The following DPYD variants were observed in gnomAD, a reference collection of about 807,000 sequenced individuals.
DPYD encodes the protein dihydropyrimidine dehydrogenase, also known as dihydropyrimidine dehydrogenase [NADP(+)].
Under a neutral mutation model 116.2 loss-of-function variants are expected in DPYD, and 109 were observed. That is an observed-to-expected ratio of 0.94 (90% CI 0.80 to 1.10). The LOEUF is 1.10. Ranked by LOEUF, DPYD falls within the 50% of genes least tolerant of loss-of-function variation. The pLI is 0.00. For synonymous variants in DPYD, 440 were observed against 432.0 expected (o/e 1.02, Z -0.23); for missense variants, 1,302 against 1,254.5 (o/e 1.04, Z -0.57).
chr1:97,100,818 T>G (rs188453355), intron 20 of DPYD, among the ~76,000 whole-genome samples: 1 of 152,204 alleles, frequency 6.6e-6, no homozygotes, highest in African/African-American at 2.4e-5. Context: ...TTTGAAAATC[T>G]TTTGATGCTG....
At chr1:97,492,845 C>A (rs1679045832) in intron 13 of DPYD, among the ~76,000 whole-genome samples, 1 of 152,056 alleles carries the variant, frequency 6.6e-6, no homozygotes, top group Admixed American at 6.6e-5. Context: ...GTATCTCTAA[C>A]AAAATCCATT....
In DPYD at chr1:97,677,522, G is replaced by A. The variant is rs2256807; in HGVS notation, c.850+1573C>T. Among the ~76,000 whole-genome samples, 299 of 152,218 alleles carry A rather than the reference G, an allele frequency of 2.0e-3. 2 individuals are homozygous for A. The highest frequency in any genetic ancestry group is 6.9e-3 in the African/African-American group (285 of 41,552). On this transcript the variant is annotated intron_variant, in intron 8 of 22. Coordinates refer to ENST00000370192, the MANE Select transcript of DPYD (RefSeq NM_000110.4). ...TTTACATTAAATTATCAATACAAAT[G>A]TAATGTTGAAAAGTAAAGCTAAAGT...
intron 2 of DPYD, among the ~76,000 whole-genome samples, chr1:97,880,735 G>A (rs957079762): frequency 6.6e-6 from 1 of 151,666 alleles, no homozygotes; most frequent in Non-Finnish European, 1.5e-5. Flanking sequence ...TCATTTTTTT[G>A]TTCTTTTGTG....
At chr1:97,776,602 TAGA>T (rs1371471635) in intron 3 of DPYD, among the ~76,000 whole-genome samples, 3 of 152,130 alleles carry the variant, frequency 2.0e-5, no homozygotes, top group East Asian at 3.9e-4. Context: ...TGCCTGCATG[TAGA>T]AGAAGAAGTA....
chr1:97,516,018 T>C (rs1648206583), intron 12 of DPYD, 77 bp from the exon 13 acceptor site: 4 of 1,343,274 alleles, frequency 3.0e-6, no homozygotes, highest in East Asian at 4.9e-5. Context: ...AAAAATCACT[T>C]CAACACAGCA....
intron 20 of DPYD, among the ~76,000 whole-genome samples, chr1:97,166,682 C>A (rs1656352400): frequency 6.6e-6 from 1 of 152,136 alleles, no homozygotes; most frequent in Non-Finnish European, 1.5e-5. Context: ...TTTATCTTTA[C>A]CTTCCCTTCA....
At chr1:97,815,217 A>G (rs2101414196) in intron 3 of DPYD, among the ~76,000 whole-genome samples, 1 of 152,310 alleles carries the variant, frequency 6.6e-6, no homozygotes, top group South Asian at 2.1e-4. Context: ...GTCTCATTGA[A>G]GTGTAAAGCT....
At chr1:97,825,592 A>C in intron 3 of DPYD, among the ~76,000 whole-genome samples, 1 of 127,450 alleles carries the variant, frequency 7.8e-6, no homozygotes, top group East Asian at 2.5e-4. Flanking sequence ...GGACACAGGA[A>C]GGGGAACATC....
At chr1:97,565,484 C>T (rs1384717491) in intron 11 of DPYD, among the ~76,000 whole-genome samples, 1 of 152,102 alleles carries the variant, frequency 6.6e-6, no homozygotes. Flanking sequence ...CCATCTTATC[C>T]CTACCTGCTC....
chr1:97,306,734 T>C (rs1256109687), intron 16 of DPYD, among the ~76,000 whole-genome samples: 1 of 151,950 alleles, frequency 6.6e-6, no homozygotes, highest in African/African-American at 2.4e-5. Flanking sequence ...ATCTAAAGCT[T>C]GTTTTCATTA....
intron 20 of DPYD, among the ~76,000 whole-genome samples, chr1:97,105,124 A>AT (rs921720384): frequency 1.3e-5 from 2 of 152,106 alleles, no homozygotes; most frequent in Non-Finnish European, 2.9e-5. Flanking sequence ...AAAAACTGTC[A>AT]TTTTTTAAAG....
At chr1:97,592,197 T>C (rs531456700) in intron 10 of DPYD, among the ~76,000 whole-genome samples, 24 of 152,350 alleles carry the variant, frequency 1.6e-4, no homozygotes, top group African/African-American at 5.8e-4. Context: ...GTAATTTATC[T>C]TTCTATAAAT....
intron 8 of DPYD, among the ~76,000 whole-genome samples, chr1:97,669,772 G>C (rs1659757875): frequency 6.6e-6 from 1 of 152,072 alleles, no homozygotes; most frequent in African/African-American, 2.4e-5. Flanking sequence ...TCACATTTCT[G>C]TACTTTGGTA....
chr1:97,376,374 T>C (rs1013823574), intron 15 of DPYD, among the ~76,000 whole-genome samples: 1 of 151,392 alleles, frequency 6.6e-6, no homozygotes, highest in African/African-American at 2.4e-5. Flanking sequence ...ACCTGTTCAA[T>C]ATAAAATTTT....
At chr1:97,457,114 T>A (rs1676731292) in intron 13 of DPYD, among the ~76,000 whole-genome samples, 1 of 151,940 alleles carries the variant, frequency 6.6e-6, no homozygotes, top group Non-Finnish European at 1.5e-5. Flanking sequence ...AAGAAGTAGG[T>A]AAGGAAGAAC....
intron 3 of DPYD, among the ~76,000 whole-genome samples, chr1:97,815,102 GAAAAGAGAAGAGAAGA>G (rs1490245400): frequency 1.3e-5 from 2 of 149,028 alleles, no homozygotes; most frequent in Admixed American, 6.7e-5. Flanking sequence ...GAAGAGAAGA[GAAAAGAGAAGAGAAGA>G]GAAAAGAAAA....
At chr1:97,176,621 A>G (rs1367009805) in intron 20 of DPYD, among the ~76,000 whole-genome samples, 1 of 152,162 alleles carries the variant, frequency 6.6e-6, no homozygotes, top group Non-Finnish European at 1.5e-5. Context: ...ATTGTCAGGG[A>G]TAATCACTAC....
intron 19 of DPYD, among the ~76,000 whole-genome samples, chr1:97,208,252 C>G (rs567532798): frequency 7.6e-6 from 1 of 132,182 alleles, no homozygotes; most frequent in South Asian, 2.4e-4. Context: ...CTTTCTCTTT[C>G]TTTCTTTCTT....
rs1011016907 is a variant in DPYD, at chr1:97,874,103, T to C, written c.150+9161A>G. Among the ~76,000 whole-genome samples, 3 of 152,042 alleles carry C rather than the reference T, an allele frequency of 2.0e-5. No individual in the cohort carries two copies. In the East Asian group the frequency reaches 5.8e-4, roughly 30 times the overall value. ...CCTGGTTCACTATCCACCATCCTCA[T>C]TGTCTTCATCATCACCATTATCACC... On this transcript the variant is annotated intron_variant, in intron 2 of 22. Transcript: ENST00000370192.
Sources: allele counts gnomAD v4.1 joint callset (sites outside exome capture counted in the v4.1 genomes callset), GRCh38; gene constraint gnomAD v4.1.1; transcripts MANE v1.5; gene names NCBI Gene and HGNC (gene_info 2026-07-23, HGNC 2026-07-21).